The following SLC2A9 variants were observed in gnomAD, a reference collection of about 807,000 sequenced individuals.
The protein encoded by SLC2A9 is solute carrier family 2, facilitated glucose transporter member 9.
In SLC2A9, 39 loss-of-function variants were observed where a neutral mutation model predicts 50.6. The ratio of observed to expected loss-of-function variants is 0.77; its 90% CI spans 0.60 to 1.01. The LOEUF (loss-of-function observed/expected upper bound fraction) is 1.01. Among genes scored for constraint, SLC2A9 ranks in the 50% least tolerant of loss-of-function variants. SLC2A9 has a pLI of 0.00. For missense variants in SLC2A9, 686 were observed against 677.6 expected (o/e 1.01, Z -0.14); for synonymous variants, 324 against 276.9 (o/e 1.17, Z -1.69).
chr4:9,981,595 A>G (rs540704326), intron 4 of SLC2A9, among the ~76,000 whole-genome samples: 93 of 152,330 alleles, frequency 6.1e-4, no homozygotes, highest in Middle Eastern at 6.8e-3. Context: ...ATTTTGCCCA[A>G]TAGAGCCCCA....
chr4:9,874,470 C>A (rs1366922547), intron 10 of SLC2A9, among the ~76,000 whole-genome samples: 6 of 152,184 alleles, frequency 3.9e-5, no homozygotes, highest in African/African-American at 1.4e-4. Context: ...GCCCTTCCCA[C>A]AAAGTGGAGC....
At chr4:10,017,475 C>A (rs181909630) in intron 2 of SLC2A9, among the ~76,000 whole-genome samples, 14 of 152,312 alleles carry the variant, frequency 9.2e-5, no homozygotes, top group Admixed American at 7.8e-4. Flanking sequence ...GCCATCTAGG[C>A]CCCCTGGTTT....
At chr4:9,892,745 T>C (rs964863382) in intron 8 of SLC2A9, among the ~76,000 whole-genome samples, 1 of 152,118 alleles carries the variant, frequency 6.6e-6, no homozygotes, top group Non-Finnish European at 1.5e-5. Flanking sequence ...AACTAAGGAG[T>C]GCCCTGGGGA....
At chr4:9,900,467 G>C (rs1458096319) in intron 8 of SLC2A9, among the ~76,000 whole-genome samples, 3 of 152,062 alleles carry the variant, frequency 2.0e-5, no homozygotes, top group Non-Finnish European at 2.9e-5. Flanking sequence ...ATTATTCAGA[G>C]CTTGGGGTGG....
chr4:9,840,843 G>A (rs939120892), intron 10 of SLC2A9, among the ~76,000 whole-genome samples: 19 of 152,242 alleles, frequency 1.2e-4, no homozygotes, highest in Middle Eastern at 3.4e-3. Flanking sequence ...AAATGGCTGC[G>A]GAGGCCTCAG....
rs1726642881 is a variant in SLC2A9, at chr4:9,834,124, C to T, written c.1419+757G>A. ...GCACTTGCTGTTTTTCTAGCCAGGA[C>T]TTCACCATTCCCAGACAGCTCTGCT... On this transcript the variant is annotated intron_variant, in intron 11 of 11. Coordinates refer to ENST00000264784, the MANE Select transcript of SLC2A9 (RefSeq NM_020041.3). Among the ~76,000 whole-genome samples, 3 of 152,222 alleles carry T rather than the reference C, an allele frequency of 2.0e-5. 1 individual carries two copies. The South Asian group carries it at 6.2e-4, about 32-fold the overall frequency.
chr4:9,976,557 G>A (rs1292957260), intron 5 of SLC2A9, among the ~76,000 whole-genome samples: 1 of 152,176 alleles, frequency 6.6e-6, no homozygotes, highest in Non-Finnish European at 1.5e-5. Context: ...CACATTCCCA[G>A]AGCATACATT....
intron 9 of SLC2A9, among the ~76,000 whole-genome samples, chr4:9,889,950 AC>A (rs775126520): frequency 1.6e-4 from 24 of 152,160 alleles, no homozygotes; most frequent in Admixed American, 3.9e-4. Context: ...TCTCCATAAA[AC>A]AAAAAAATAC....
chr4:9,873,395 T>C (rs1474633115), intron 10 of SLC2A9, among the ~76,000 whole-genome samples: 1 of 152,222 alleles, frequency 6.6e-6, no homozygotes, highest in Non-Finnish European at 1.5e-5. Flanking sequence ...ATAGCCACAG[T>C]TCTTTGCAGC....
chr4:9,779,058 A>C (rs1241387323), downstream of SLC2A9, among the ~76,000 whole-genome samples: 1 of 151,926 alleles, frequency 6.6e-6, no homozygotes, highest in Admixed American at 6.5e-5. Flanking sequence ...GAGCCACCAC[A>C]CCTGGCTGGT....
chr4:9,982,609 A>C (rs1445777079), intron 4 of SLC2A9, among the ~76,000 whole-genome samples: 1 of 152,214 alleles, frequency 6.6e-6, no homozygotes, highest in Non-Finnish European at 1.5e-5. Context: ...AATGGATAAA[A>C]TATAAAACTG....
At chr4:9,828,343 G>C (rs1303712663) in intron 11 of SLC2A9, among the ~76,000 whole-genome samples, 4 of 152,144 alleles carry the variant, frequency 2.6e-5, no homozygotes, top group African/African-American at 7.2e-5. Flanking sequence ...TGATTTCCCT[G>C]CTTTTCACTT....
intron 10 of SLC2A9, among the ~76,000 whole-genome samples, chr4:9,886,424 CTGTGTGTGTGTGTGTGTGTGTGTGTGTG>C (rs59081583): frequency 4.4e-5 from 6 of 135,584 alleles, no homozygotes; most frequent in African/African-American, 1.1e-4. Context: ...CCTCATAGCA[CTGTGTGTGTGTGTGTGTGTGTGTGTGTG>C]TGTGTGTGTG....
intron 2 of SLC2A9, among the ~76,000 whole-genome samples, chr4:10,011,899 C>G (rs985636412): frequency 3.3e-5 from 5 of 152,214 alleles, no homozygotes; most frequent in East Asian, 3.8e-4. Flanking sequence ...CCCAGAGGTA[C>G]TAATGACACA....
At chr4:9,892,307 G>A (rs1429164752) in intron 8 of SLC2A9, among the ~76,000 whole-genome samples, 5 of 152,200 alleles carry the variant, frequency 3.3e-5, no homozygotes, top group South Asian at 2.1e-4. Context: ...TGCTGGCCCC[G>A]AAAGTCAGAG....
intron 3 of SLC2A9, among the ~76,000 whole-genome samples, chr4:9,780,347 G>C (rs768122830): frequency 2.1e-4 from 32 of 152,192 alleles, no homozygotes; most frequent in Non-Finnish European, 4.3e-4. Flanking sequence ...AGAAGATGAG[G>C]AGAGACCAGA....
intron 5 of SLC2A9, among the ~76,000 whole-genome samples, chr4:9,959,142 T>C (rs1002531028): frequency 6.6e-6 from 1 of 151,640 alleles, no homozygotes; most frequent in African/African-American, 2.4e-5. Flanking sequence ...GGTTAGGAGT[T>C]GGAGATCAGC....
chr4:9,799,933 T>G (rs920589039), intron 3 of SLC2A9, among the ~76,000 whole-genome samples: 1 of 152,150 alleles, frequency 6.6e-6, no homozygotes, highest in South Asian at 2.1e-4. Flanking sequence ...GTTGTAGGAA[T>G]AACTTCAAGG....
chr4:10,033,199 GA>G (rs1307388734), intron 1 of SLC2A9, among the ~76,000 whole-genome samples: 3 of 152,156 alleles, frequency 2.0e-5, no homozygotes, highest in African/African-American at 7.2e-5. Flanking sequence ...TGTGTTACAG[GA>G]AAGAGCTAAG....
Sources: allele counts gnomAD v4.1 joint callset (sites outside exome capture counted in the v4.1 genomes callset), GRCh38; gene constraint gnomAD v4.1.1; transcripts MANE v1.5; gene names NCBI Gene and HGNC (gene_info 2026-07-23, HGNC 2026-07-21).